Variants in KLHL3 observed in about 807,000 individuals in gnomAD.
The protein encoded by KLHL3 is kelch like family member 3.
KLHL3 carries 19 observed loss-of-function variants against 70.5 expected under a neutral mutation model. The observed-to-expected ratio is 0.27, with a 90% confidence interval of 0.19 to 0.40. KLHL3 has a LOEUF of 0.40. KLHL3 is among the 10% of genes least tolerant of loss of function. KLHL3 has a pLI of 1.00. For synonymous variants in KLHL3, 258 were observed against 290.3 expected, an observed-to-expected ratio of 0.89 and a Z score of 1.13; for missense variants, 512 against 771.1, an observed-to-expected ratio of 0.66 and a Z score of 3.98.
chr5:137,678,502 G>T (rs1751941908), intron 5 of KLHL3, among the ~76,000 whole-genome samples: 1 of 152,014 alleles, frequency 6.6e-6, no homozygotes, highest in African/African-American at 2.4e-5. Flanking sequence ...TATGTTTTTG[G>T]GCCAATGGCA....
chr5:137,706,347 G>A (rs1013349532), intron 3 of KLHL3: 2 of 985,266 alleles, frequency 2.0e-6, no homozygotes, highest in Non-Finnish European at 2.4e-6. Flanking sequence ...CTGATAATTA[G>A]AACAAAATTT....
chr5:137,692,517 T>C, intron 4 of KLHL3, 70 bp from the exon 5 acceptor site: 1 of 1,435,772 alleles, frequency 7.0e-7, no homozygotes, highest in Admixed American at 1.7e-5. Flanking sequence ...TTTCCTATCA[T>C]ATCACTCCCA....
intron 8 of KLHL3, 148 bp downstream of exon 8, chr5:137,657,983 G>A: frequency 1.4e-6 from 1 of 707,940 alleles, no homozygotes; most frequent in Non-Finnish European, 2.4e-6. Context: ...GCAGATTCAA[G>A]AGGAACCAGC....
chr5:137,639,146 C>A lies in KLHL3; in HGVS notation c.1026G>T (p.Val342=), dbSNP rs1392074378. ...ELPSRRCRAG[V]VFMAGHVYAV... is the part of the protein sequence containing the mutation. ...CATACACGTGGCCAGCCATGAACAC[C>A]ACACCTGAGGCACAGGAAACCAAGA... is the stretch of plus-strand genomic sequence containing the variant. Residue 342 remains valine (V), a synonymous_variant, in exon 10 of 15, where the codon GTG becomes GTT. Coordinates refer to ENST00000309755, the MANE Select transcript of KLHL3 (RefSeq NM_017415.3). This position sits in a 1 kb window ranked among gnomAD's most constrained non-coding sequence, Gnocchi z 5.0. 2.6e-5 allele frequency: 42 copies of A among 1,613,490 alleles called. No homozygotes were observed. Among genetic ancestry groups the A allele is most frequent in the Non-Finnish European group, 3.1e-5 (37 of 1,179,774 alleles).
intron 1 of KLHL3, among the ~76,000 whole-genome samples, chr5:137,732,932 G>A (rs752963317): frequency 2.6e-5 from 4 of 152,146 alleles, no homozygotes; most frequent in Admixed American, 6.5e-5. Context: ...CAGATTCACC[G>A]CTAGGTCTAT....
chr5:137,662,681 G>A (rs1751511747), intron 6 of KLHL3, among the ~76,000 whole-genome samples: 1 of 152,202 alleles, frequency 6.6e-6, no homozygotes, highest in Non-Finnish European at 1.5e-5. Context: ...TCAAGGATAA[G>A]TCCAAATTCA....
At chr5:137,623,656 T>C (rs2149875142) in intron 14 of KLHL3, among the ~76,000 whole-genome samples, 1 of 152,368 alleles carries the variant, frequency 6.6e-6, no homozygotes, top group East Asian at 1.9e-4. Flanking sequence ...ACTGTCTTTT[T>C]GGAATACTTT....
At position 137,735,811 on chromosome 5, in the gene KLHL3, GACTT is replaced by G; in HGVS notation, c.-169_-166del. On this transcript the variant is annotated 5_prime_UTR_variant, in exon 1 of 15. Transcript: ENST00000309755. ...CTCCCTTCTCAATCCTCCTTCCTCT[GACTT>G]ACTCGCAGCAGCTTCTACCGCAAAA... 1.1e-6 allele frequency: 1 copy of G among 894,922 alleles called. No individual in the cohort carries two copies. Among genetic ancestry groups the G allele is most frequent in the Non-Finnish European group, 1.8e-6 (1 of 548,194 alleles). 55.4% of individuals were successfully genotyped at this position (894,922 alleles called of 1,614,324 possible). A position where few individuals can be genotyped will look rare whatever the true frequency, so the allele number is the denominator to read the frequency against.
chr5:137,708,679 G>C (rs1752730565), intron 3 of KLHL3, among the ~76,000 whole-genome samples: 1 of 152,144 alleles, frequency 6.6e-6, no homozygotes, highest in Non-Finnish European at 1.5e-5. Flanking sequence ...TTTTCAGATG[G>C]TGATAAATGT....
chr5:137,658,931 G>A (rs908200463), intron 7 of KLHL3, among the ~76,000 whole-genome samples: 22 of 152,138 alleles, frequency 1.4e-4, no homozygotes, highest in Admixed American at 5.9e-4. Flanking sequence ...TCTAAGCTGG[G>A]GCTCTGGCTT....
intron 12 of KLHL3, among the ~76,000 whole-genome samples, chr5:137,633,748 A>G (rs1310638072): frequency 6.6e-6 from 1 of 152,210 alleles, no homozygotes; most frequent in Non-Finnish European, 1.5e-5. Context: ...ACTTATATGT[A>G]CAGGCTAAAT....
chr5:137,701,034 T>A (rs1052141924), intron 3 of KLHL3, among the ~76,000 whole-genome samples: 1 of 152,158 alleles, frequency 6.6e-6, no homozygotes, highest in Admixed American at 6.5e-5. Context: ...AAAACTGGCA[T>A]TTCTTTTTTT....
chr5:137,725,767 A>C (rs1220721253), intron 1 of KLHL3, among the ~76,000 whole-genome samples: 2 of 152,236 alleles, frequency 1.3e-5, no homozygotes, highest in Non-Finnish European at 2.9e-5. Context: ...CTGGCCTGTT[A>C]CTAGTAAACT....
At chr5:137,732,439 C>T (rs1254828358) in intron 1 of KLHL3, among the ~76,000 whole-genome samples, 2 of 150,570 alleles carry the variant, frequency 1.3e-5, no homozygotes, top group African/African-American at 4.9e-5. Context: ...TGGTTCCAAC[C>T]ACTGAGGCAA....
chr5:137,732,298 G>GA (rs1270966540), intron 1 of KLHL3, among the ~76,000 whole-genome samples: 17 of 151,986 alleles, frequency 1.1e-4, no homozygotes, highest in Non-Finnish European at 2.4e-4. Context: ...CCCATGGAGG[G>GA]AACTGGGGAA....
rs187235170 is a variant in KLHL3 at position 137,734,518 on chromosome 5, C to T, written c.14+1115G>A. On this transcript the variant is annotated intron_variant, in intron 1 of 14. Transcript: ENST00000309755. Reference sequence around the variant, plus strand: ...AATAGGGTCTAGAGATGTTTAATGGCATCACTGTGCCCCGTGAGACACAGA... The same window carrying T: ...AATAGGGTCTAGAGATGTTTAATGGTATCACTGTGCCCCGTGAGACACAGA... Among the ~76,000 whole-genome samples, 42 of 152,332 alleles carry T rather than the reference C, an allele frequency of 2.8e-4. 1 individual carries two copies. In the East Asian group the frequency reaches 6.0e-3, roughly 22 times the overall value.
chr5:137,626,107 G>A (rs996536429), intron 13 of KLHL3, among the ~76,000 whole-genome samples: 1 of 152,062 alleles, frequency 6.6e-6, no homozygotes, highest in Non-Finnish European at 1.5e-5. Flanking sequence ...TTCCTAACAG[G>A]ATCATTTCTC....
chr5:137,650,347 A>T (rs1751169496), intron 8 of KLHL3, among the ~76,000 whole-genome samples: 1 of 152,066 alleles, frequency 6.6e-6, no homozygotes, highest in African/African-American at 2.4e-5. Context: ...CTGTACCCCT[A>T]TGAGGGCATT....
intron 8 of KLHL3, chr5:137,647,512 G>T (rs1751081529): frequency 2.1e-6 from 1 of 471,244 alleles, no homozygotes; most frequent in African/African-American, 2.0e-5. Context: ...TTTTCATCGG[G>T]CAAGAGTAGA....
Sources: gnomAD v4.1 joint callset for allele counts (sites outside exome capture counted in the v4.1 genomes callset) on GRCh38, gnomAD v4.1.1 for gene constraint, Gnocchi (gnomAD v3.1) non-coding constraint, MANE v1.5 for transcripts, NCBI Gene and HGNC (gene_info 2026-07-23, HGNC 2026-07-21) for gene names.